Variants in ASB18 observed in about 807,000 individuals in gnomAD.
ASB18 encodes the protein ankyrin repeat and SOCS box protein 18.
A neutral mutation model predicts 33.4 loss-of-function variants in ASB18; 33 were observed. The ratio of observed to expected loss-of-function variants is 0.99; its 90% CI spans 0.75 to 1.32. The LOEUF (loss-of-function observed/expected upper bound fraction) is 1.32, where lower values mean the gene tolerates loss of function less well. ASB18 is among the 40% of genes most tolerant of loss of function. ASB18 has a pLI of 0.00. For synonymous variants in ASB18, 295 were observed against 307.6 expected (o/e 0.96, Z 0.43); for missense variants, 694 against 655.5 (o/e 1.06, Z -0.64).
chr2:236,211,237 A>G lies in ASB18; in HGVS notation c.1101+3125T>C, dbSNP rs2060457347. The stretch of plus-strand genomic sequence containing the variant: ...ATCTTCCAGAATCCAAACCTGCCAG[A>G]ATCCACAGCCTGCCCCCTATGCCTG... On this transcript the variant is annotated intron_variant, in intron 4 of 5. Coordinates refer to ENST00000409749, the MANE Select transcript of ASB18 (RefSeq NM_212556.4). The surrounding 1 kb of genome is among the most constrained non-coding windows in gnomAD (Gnocchi z 5.0). 6.6e-6 allele frequency among the ~76,000 whole-genome samples: 1 copy of G among 152,264 alleles called. No homozygotes were observed. The highest frequency in any genetic ancestry group is 3.4e-3 in the Middle Eastern group (1 of 294).
intron 4 of ASB18, among the ~76,000 whole-genome samples, chr2:236,212,674 G>A (rs981956733): frequency 2.6e-5 from 4 of 152,132 alleles, no homozygotes; most frequent in Non-Finnish European, 5.9e-5. Flanking sequence ...ACCCAGGCTG[G>A]AGTGTAGTGT....
intron 4 of ASB18, among the ~76,000 whole-genome samples, chr2:236,212,905 C>T (rs983576388): frequency 3.3e-5 from 5 of 152,222 alleles, no homozygotes; most frequent in African/African-American, 1.2e-4. Context: ...GCTGGGATTA[C>T]AGGTGTGAGT....
At position 236,229,650 on chromosome 2, in the gene ASB18, T is replaced by C. The variant is rs7563134; in HGVS notation, c.596+8039A>G. Among the ~76,000 whole-genome samples, 58,425 of 151,788 alleles carry C rather than the reference T, an allele frequency of 0.38. 11,767 individuals carry two copies. Among genetic ancestry groups the C allele is most frequent in the African/African-American group, 0.52 (21,406 of 41,340 alleles). ...TGAGGTCAGGGGTTCAAGACTAACC[T>C]GGCCAACATGGTGAAATCCTGGCTC... On this transcript the variant is annotated intron_variant, in intron 3 of 5. Transcript: ENST00000409749. This position sits in a 1 kb window ranked among gnomAD's most constrained non-coding sequence, Gnocchi z 5.2.
chr2:236,250,202 C>T lies in ASB18; in HGVS notation c.206-8800G>A, dbSNP rs896232684. The stretch of plus-strand genomic sequence containing the variant: ...TTGAGTTGACTAGTGATTTTCTTTT[C>T]CCCAGAAGCCTCCAAGGATTAATCC... On this transcript the variant is annotated intron_variant, in intron 1 of 5. Coordinates refer to ENST00000409749, the MANE Select transcript of ASB18 (RefSeq NM_212556.4). This position sits in a 1 kb window ranked among gnomAD's most constrained non-coding sequence, Gnocchi z 4.1. 2.0e-5 allele frequency: 3 copies of T among 152,170 alleles called. No individual in the cohort carries two copies. Among genetic ancestry groups the T allele is most frequent in the Non-Finnish European group, 4.4e-5 (3 of 68,038 alleles). The allele number at this position is 152,170 out of a possible 1,614,324, so 9.4% of individuals were successfully genotyped here.
chr2:236,228,470 TA>T lies in ASB18; in HGVS notation c.596+9218del, dbSNP rs1194301211. Among the ~76,000 whole-genome samples, 2 of 152,200 alleles carry T rather than the reference TA, an allele frequency of 1.3e-5. No individual in the cohort carries two copies. The highest frequency in any genetic ancestry group is 1.3e-4 in the Admixed American group (2 of 15,282). ...GAACTTTGCAGAGGGCCCCCTTGATTATTCAGCTCAATACCAATTAGTGTGT... is the reference window on the plus strand; with the variant it reads ...GAACTTTGCAGAGGGCCCCCTTGATTTTCAGCTCAATACCAATTAGTGTGT... On this transcript the variant is annotated intron_variant, in intron 3 of 5. Transcript: ENST00000409749. The surrounding 1 kb of genome is among the most constrained non-coding windows in gnomAD (Gnocchi z 5.1).
Position 236,221,794 on chromosome 2 carries a change from T to C in ASB18, c.597-6928A>G, listed in dbSNP as rs1299560324. Among the ~76,000 whole-genome samples, 1 of 152,096 alleles carries C rather than the reference T, an allele frequency of 6.6e-6. No homozygotes were observed. Among genetic ancestry groups the C allele is most frequent in the Admixed American group, 6.5e-5 (1 of 15,274 alleles). On this transcript the variant is annotated intron_variant, in intron 3 of 5. Transcript: ENST00000409749. The surrounding 1 kb of genome is among the most constrained non-coding windows in gnomAD (Gnocchi z 5.6). ...AATCCCTTCTGACAGACAGAAGGGGTTGAGCACTACACAGTGTGTTCAGTG... is the reference window on the plus strand; with the variant it reads ...AATCCCTTCTGACAGACAGAAGGGGCTGAGCACTACACAGTGTGTTCAGTG...
At position 236,252,664 on chromosome 2, in the gene ASB18, G is replaced by A. The variant is rs2060673680; in HGVS notation, c.206-11262C>T. 6.6e-6 allele frequency among the ~76,000 whole-genome samples: 1 copy of A among 152,178 alleles called. No individual in the cohort carries two copies. Among genetic ancestry groups the A allele is most frequent in the Admixed American group, 6.5e-5 (1 of 15,276 alleles). ...GGCGCATGGGACACAGGTGCAGTCA[G>A]GAAGGCAGCCAGCCCTTTGATGATG... is the stretch of plus-strand genomic sequence containing the variant. On this transcript the variant is annotated intron_variant, in intron 1 of 5. Transcript: ENST00000409749. The surrounding 1 kb of genome is among the most constrained non-coding windows in gnomAD (Gnocchi z 7.9).
Position 236,237,762 on chromosome 2 carries a change from G to T in ASB18, c.523C>A (p.Arg175Ser), listed in dbSNP as rs1479673282. ...TACVRLLLQH[R>S]ADPDLLSAEG... ...GCGCTGAGCAGGTCGGGGTCGGCGCGGTGCTGCAGCAGCAGGCGGACGCAG... is the reference window on the plus strand; with the variant it reads ...GCGCTGAGCAGGTCGGGGTCGGCGCTGTGCTGCAGCAGCAGGCGGACGCAG... Residue 175 changes from arginine to serine, a missense_variant, in exon 3 of 6, where the codon CGC (arginine) becomes AGC (serine). Physicochemically the swap from Arg to Ser is moderately radical, Grantham distance 110 (BLOSUM62 -1). Transcript: ENST00000409749. The surrounding 1 kb of genome is among the most constrained non-coding windows in gnomAD (Gnocchi z 6.2). 2 of 1,449,722 alleles carry T rather than the reference G, an allele frequency of 1.4e-6. No individual in the cohort carries two copies. Among genetic ancestry groups the T allele is most frequent in the South Asian group, 2.7e-5 (2 of 75,372 alleles). 89.8% of individuals were successfully genotyped at this position (1,449,722 alleles called of 1,614,324 possible).
chr2:236,216,747 T>C lies in ASB18; in HGVS notation c.597-1881A>G, dbSNP rs929982086. 2.6e-5 allele frequency among the ~76,000 whole-genome samples: 4 copies of C among 152,130 alleles called. No individual in the cohort carries two copies. Among genetic ancestry groups the C allele is most frequent in the Admixed American group, 2.0e-4 (3 of 15,274 alleles). ...AAGAGCCTTTCCAGTGCCAATCAAA[T>C]GTGCCTGCCAACAACCCCACCACTC... is the stretch of plus-strand genomic sequence containing the variant. On this transcript the variant is annotated intron_variant, in intron 3 of 5. Coordinates refer to ENST00000409749, the MANE Select transcript of ASB18 (RefSeq NM_212556.4). The surrounding 1 kb of genome is among the most constrained non-coding windows in gnomAD (Gnocchi z 6.1).
chr2:236,263,617 C>A lies in ASB18; in HGVS notation c.205+524G>T, dbSNP rs957383798. 5.9e-5 allele frequency among the ~76,000 whole-genome samples: 9 copies of A among 151,986 alleles called. No individual in the cohort carries two copies. The highest frequency in any genetic ancestry group is 1.2e-4 in the Non-Finnish European group (8 of 67,996). On this transcript the variant is annotated intron_variant, in intron 1 of 5. Coordinates refer to ENST00000409749, the MANE Select transcript of ASB18 (RefSeq NM_212556.4). This position sits in a 1 kb window ranked among gnomAD's most constrained non-coding sequence, Gnocchi z 4.0. ...TAGGAATTTATGGTAAGGATATAAT[C>A]CCAAAAAAGAAAAAAGCCGTATGAA...
Position 236,222,013 on chromosome 2 carries a change from A to T in ASB18, c.597-7147T>A, listed in dbSNP as rs2060515040. ...GGCAAGGTTGCAGGGGAGCCTTGGGAGGAAAACAGAGCCGTGTTTTCTAAC... is the reference window on the plus strand; with the variant it reads ...GGCAAGGTTGCAGGGGAGCCTTGGGTGGAAAACAGAGCCGTGTTTTCTAAC... On this transcript the variant is annotated intron_variant, in intron 3 of 5. Coordinates refer to ENST00000409749, the MANE Select transcript of ASB18 (RefSeq NM_212556.4). The surrounding 1 kb of genome is among the most constrained non-coding windows in gnomAD (Gnocchi z 5.5). Among the ~76,000 whole-genome samples, 1 of 152,070 alleles carries T rather than the reference A, an allele frequency of 6.6e-6. No individual in the cohort carries two copies. Among genetic ancestry groups the T allele is most frequent in the South Asian group, 2.1e-4 (1 of 4,822 alleles).
Position 236,241,671 on chromosome 2 carries a change from T to C in ASB18, c.206-269A>G, listed in dbSNP as rs1471003243. ...ACTCCTGTGGGCTCCGATGTGATAATGGTTACTTGATATGACCAGGGGCAT... is the reference window on the plus strand; with the variant it reads ...ACTCCTGTGGGCTCCGATGTGATAACGGTTACTTGATATGACCAGGGGCAT... On this transcript the variant is annotated intron_variant, in intron 1 of 5. Coordinates refer to ENST00000409749, the MANE Select transcript of ASB18 (RefSeq NM_212556.4). The surrounding 1 kb of genome is among the most constrained non-coding windows in gnomAD (Gnocchi z 4.2). 6.6e-6 allele frequency among the ~76,000 whole-genome samples: 1 copy of C among 152,186 alleles called. No homozygotes were observed. Among genetic ancestry groups the C allele is most frequent in the African/African-American group, 2.4e-5 (1 of 41,446 alleles).
At chr2:236,206,202 T>C (rs2060432014) in intron 4 of ASB18, among the ~76,000 whole-genome samples, 1 of 152,066 alleles carries the variant, frequency 6.6e-6, no homozygotes, top group Non-Finnish European at 1.5e-5. Context: ...TTTTTTTTTT[T>C]TTGCACTTAA....
rs1417603292 is a variant in ASB18 at position 236,237,711 on chromosome 2, A to G, written c.574T>C (p.Cys192Arg). The G allele has an allele frequency of 4.6e-5, 67 of 1,457,026 alleles. No individual in the cohort carries two copies. The highest frequency in any genetic ancestry group is 6.0e-5 in the Non-Finnish European group (67 of 1,110,676). The allele number at this position is 1,457,026 out of a possible 1,614,324, so 90.3% of individuals were successfully genotyped here. Residue 192 changes from cysteine to arginine, a missense_variant, in exon 3 of 6, where the codon TGC becomes CGC. By Grantham distance (180) the Cys-to-Arg change is radical. Coordinates refer to ENST00000409749, the MANE Select transcript of ASB18 (RefSeq NM_212556.4). The surrounding 1 kb of genome is among the most constrained non-coding windows in gnomAD (Gnocchi z 6.2). ...TACCCGAGCGAGGCGGCCGTGCGGC[A>G]GAGGTGCAGAGGCGCCAGGCCCTCG... ...SAEGLAPLHLCRTAASLGCAQ... is the reference protein window; with the variant it reads ...SAEGLAPLHLRRTAASLGCAQ...
At chr2:236,247,075 T>C (rs774925767) in intron 1 of ASB18, among the ~76,000 whole-genome samples, 2 of 151,554 alleles carry the variant, frequency 1.3e-5, no homozygotes, top group African/African-American at 2.4e-5. Flanking sequence ...GCTTCCTAAG[T>C]ATCCAAGTTT....
At position 236,211,415 on chromosome 2, in the gene ASB18, G is replaced by A. The variant is rs984994443; in HGVS notation, c.1101+2947C>T. On this transcript the variant is annotated intron_variant, in intron 4 of 5. Coordinates refer to ENST00000409749, the MANE Select transcript of ASB18 (RefSeq NM_212556.4). This position sits in a 1 kb window ranked among gnomAD's most constrained non-coding sequence, Gnocchi z 5.0. Reference sequence around the variant, plus strand: ...CGGCTCGGAAGGATGCCCTGTGTCCGCCTGCCGCGACGATGGTGCCTTTGT... The same window carrying A: ...CGGCTCGGAAGGATGCCCTGTGTCCACCTGCCGCGACGATGGTGCCTTTGT... Among the ~76,000 whole-genome samples, 1 of 152,346 alleles carries A rather than the reference G, an allele frequency of 6.6e-6. No homozygotes were observed. Among genetic ancestry groups the A allele is most frequent in the East Asian group, 1.9e-4 (1 of 5,184 alleles).
At chr2:236,230,075 G>A (rs1350436201) in intron 3 of ASB18, among the ~76,000 whole-genome samples, 2 of 152,040 alleles carry the variant, frequency 1.3e-5, no homozygotes, top group Non-Finnish European at 2.9e-5. Context: ...TTAGTAGGCA[G>A]GGCCATTAAA....
chr2:236,241,422 G>A lies in ASB18; in HGVS notation c.206-20C>T. 6.2e-7 allele frequency: 1 copy of A among 1,613,824 alleles called. No individual in the cohort carries two copies. The highest frequency in any genetic ancestry group is 8.5e-7 in the Non-Finnish European group (1 of 1,179,786). On this transcript the variant is annotated intron_variant, in intron 1 of 5. Coordinates refer to ENST00000409749, the MANE Select transcript of ASB18 (RefSeq NM_212556.4). The surrounding 1 kb of genome is among the most constrained non-coding windows in gnomAD (Gnocchi z 4.2). Reference sequence around the variant, plus strand: ...GGTCCCCTGCGACCAGGGCAGTGTGGTACTCCTGCACCGGGGACCCTGCTC... The same window carrying A: ...GGTCCCCTGCGACCAGGGCAGTGTGATACTCCTGCACCGGGGACCCTGCTC...
rs1350719321 is a variant in ASB18 at position 236,213,551 on chromosome 2, G to C, written c.1101+811C>G. The C allele has an allele frequency of 2.0e-5, 3 of 152,204 alleles. No homozygotes were observed. The highest frequency in any genetic ancestry group is 4.4e-5 in the Non-Finnish European group (3 of 68,048). 9.4% of individuals were successfully genotyped at this position (152,204 alleles called of 1,614,324 possible). ...AATGGAATGACTTCCCTTCAATGAAGTCTTTTCGGGAGGACAACCTGTTAC... is the reference window on the plus strand; with the variant it reads ...AATGGAATGACTTCCCTTCAATGAACTCTTTTCGGGAGGACAACCTGTTAC... On this transcript the variant is annotated intron_variant, in intron 4 of 5. Coordinates refer to ENST00000409749, the MANE Select transcript of ASB18 (RefSeq NM_212556.4). The surrounding 1 kb of genome is among the most constrained non-coding windows in gnomAD (Gnocchi z 4.8).
Sources: gnomAD v4.1 joint callset for allele counts (sites outside exome capture counted in the v4.1 genomes callset) on GRCh38, gnomAD v4.1.1 for gene constraint, Gnocchi (gnomAD v3.1) non-coding constraint, MANE v1.5 for transcripts, NCBI Gene and HGNC (gene_info 2026-07-23, HGNC 2026-07-21) for gene names.